The following P2RY8 variants were observed in gnomAD, a reference collection of about 807,000 sequenced individuals.
P2RY8 encodes the protein P2Y receptor family member 8, also known as S-geranylgeranyl-glutathione receptor P2RY8.
A neutral mutation model predicts 10.0 loss-of-function variants in P2RY8; 6 were observed. The observed-to-expected ratio is 0.60, with a 90% CI of 0.33 to 1.19. The LOEUF (loss-of-function observed/expected upper bound fraction) is 1.19. Ranked by LOEUF, P2RY8 falls within the 50% of genes most tolerant of loss-of-function variation. The pLI is 0.04. For missense variants in P2RY8, 456 were observed against 542.0 expected (o/e 0.84, Z 1.58); for synonymous variants, 276 against 252.5 (o/e 1.09, Z -0.88).
chrX:1,524,200 G>T (rs1482004441), intron 1 of P2RY8, among the ~76,000 whole-genome samples: 2 of 152,008 alleles, frequency 1.3e-5, no homozygotes, highest in Non-Finnish European at 2.9e-5. Flanking sequence ...TTGATGGTGT[G>T]GGGGGAGCAT....
Position 1,535,714 on chromosome X carries a change from CAG to C in P2RY8, c.-25+1205_-25+1206del, listed in dbSNP as rs1185642026. ...ACAACCACACACACACACACACACA[CAG>C]ACACACACACAGACACACACACACA... is the stretch of plus-strand genomic sequence containing the variant. On this transcript the variant is annotated intron_variant, in intron 1 of 1. Transcript: ENST00000381297. 3.9e-3 allele frequency among the ~76,000 whole-genome samples: 574 copies of C among 145,510 alleles called. 2 individuals are homozygous for C. Among genetic ancestry groups the C allele is most frequent in the African/African-American group, 0.013 (501 of 38,460 alleles).
At chrX:1,510,584 G>A (rs1368437225) in intron 1 of P2RY8, among the ~76,000 whole-genome samples, 4 of 152,086 alleles carry the variant, frequency 2.6e-5, no homozygotes. Flanking sequence ...TGTTCTGGAA[G>A]CCCCTTTTGA....
At chrX:1,518,884 T>C (rs183089855) in intron 1 of P2RY8, among the ~76,000 whole-genome samples, 6 of 152,226 alleles carry the variant, frequency 3.9e-5, no homozygotes, top group Admixed American at 3.9e-4. Flanking sequence ...CAATATTTTA[T>C]CTGGTCTGCA....
chrX:1,483,618 GA>G (rs1397839717), intron 1 of P2RY8, among the ~76,000 whole-genome samples: 1 of 151,644 alleles, frequency 6.6e-6, no homozygotes, highest in African/African-American at 2.4e-5. Flanking sequence ...TGGGCAACAA[GA>G]ACAAAACTTT....
chrX:1,526,417 CCATT>C (rs1268917552), intron 1 of P2RY8, among the ~76,000 whole-genome samples: 16 of 151,720 alleles, frequency 1.1e-4, no homozygotes, highest in African/African-American at 3.4e-4. Context: ...ATTCATGCAT[CCATT>C]CATTCATTCA....
At chrX:1,469,564 A>T (rs2149374833) in intron 1 of P2RY8, among the ~76,000 whole-genome samples, 1 of 152,106 alleles carries the variant, frequency 6.6e-6, no homozygotes, top group Non-Finnish European at 1.5e-5. Flanking sequence ...GTCTGTGTGT[A>T]TCTCCTCCAG....
chrX:1,496,981 G>A (rs1319462802), intron 1 of P2RY8, among the ~76,000 whole-genome samples: 4 of 150,676 alleles, frequency 2.7e-5, no homozygotes, highest in Non-Finnish European at 4.4e-5. Context: ...CACTTTGGGA[G>A]GCCGAGGCGG....
At chrX:1,468,280 G>T (rs1425251321) in intron 1 of P2RY8, among the ~76,000 whole-genome samples, 3 of 152,178 alleles carry the variant, frequency 2.0e-5, no homozygotes, top group Admixed American at 6.5e-5. Context: ...GCAGTGCCTC[G>T]CACACATTTA....
intron 1 of P2RY8, among the ~76,000 whole-genome samples, chrX:1,486,832 C>T (rs1198458111): frequency 6.6e-6 from 1 of 152,216 alleles, no homozygotes; most frequent in Non-Finnish European, 1.5e-5. Context: ...TGGCTGACTC[C>T]CTGCCCGCGC....
chrX:1,507,516 C>T (rs1483656649), intron 1 of P2RY8, among the ~76,000 whole-genome samples: 3 of 152,140 alleles, frequency 2.0e-5, no homozygotes, highest in Non-Finnish European at 2.9e-5. Flanking sequence ...TGACCGCCGA[C>T]GGTGGTTCGG....
chrX:1,502,853 T>C (rs1181123053), intron 1 of P2RY8, among the ~76,000 whole-genome samples: 7 of 148,194 alleles, frequency 4.7e-5, no homozygotes, highest in Admixed American at 1.4e-4. Flanking sequence ...AGCCCAGGGA[T>C]GCCTGGAGCC....
chrX:1,507,945 C>G (rs1236347772), intron 1 of P2RY8, among the ~76,000 whole-genome samples: 1 of 127,610 alleles, frequency 7.8e-6, no homozygotes, highest in Non-Finnish European at 1.9e-5. Context: ...TGCAGCCGGG[C>G]GGGACCAGGC....
intron 1 of P2RY8, among the ~76,000 whole-genome samples, chrX:1,476,382 C>T (rs1435045108): frequency 6.6e-6 from 1 of 151,664 alleles, no homozygotes; most frequent in Admixed American, 6.6e-5. Flanking sequence ...GGAGACCATC[C>T]TGGCTAACAC....
chrX:1,533,427 T>C (rs1408928749), intron 1 of P2RY8, among the ~76,000 whole-genome samples: 21 of 144,896 alleles, frequency 1.4e-4, no homozygotes, highest in Non-Finnish European at 2.7e-4. Context: ...ATTATATATT[T>C]ATATATTTAT....
At chrX:1,493,170 C>T (rs1336082405) in intron 1 of P2RY8, among the ~76,000 whole-genome samples, 7 of 150,454 alleles carry the variant, frequency 4.7e-5, no homozygotes, top group African/African-American at 1.2e-4. Flanking sequence ...CGCCTGTAAT[C>T]CCAGCTACGT....
At chrX:1,520,624 G>T (rs773728095) in intron 1 of P2RY8, among the ~76,000 whole-genome samples, 2 of 151,314 alleles carry the variant, frequency 1.3e-5, no homozygotes, top group African/African-American at 4.9e-5. Context: ...TCCTCTCCCT[G>T]ATCCCCAATA....
intron 1 of P2RY8, among the ~76,000 whole-genome samples, chrX:1,503,659 C>T (rs1245704980): frequency 1.3e-5 from 2 of 151,982 alleles, no homozygotes; most frequent in Non-Finnish European, 2.9e-5. Context: ...CTTTGGGAGG[C>T]CGAGGCGGGT....
chrX:1,471,309 A>ATTTTTTTTTTTTTTTTTTTTT (rs1159260456), intron 1 of P2RY8, among the ~76,000 whole-genome samples: 1 of 100,026 alleles, frequency 1.0e-5, no homozygotes, highest in Non-Finnish European at 1.9e-5. Context: ...CGCCCAGCCC[A>ATTTTTTTTTTTTTTTTTTTTT]TTTTTTTTTT....
intron 1 of P2RY8, among the ~76,000 whole-genome samples, chrX:1,468,281 C>G (rs772063752): frequency 7.9e-5 from 12 of 152,316 alleles, no homozygotes; most frequent in Admixed American, 5.2e-4. Context: ...CAGTGCCTCG[C>G]ACACATTTAA....
Sources: allele counts gnomAD v4.1 joint callset (sites outside exome capture counted in the v4.1 genomes callset), GRCh38; gene constraint gnomAD v4.1.1; transcripts MANE v1.5; gene names NCBI Gene and HGNC (gene_info 2026-07-23, HGNC 2026-07-21).